The following EIF4G3 variants were observed in gnomAD, a reference collection of about 807,000 sequenced individuals.
EIF4G3 encodes eIF-4-gamma 3.
In EIF4G3, 34 loss-of-function variants were observed where a neutral mutation model predicts 186.4. The ratio of observed to expected loss-of-function variants is 0.18; its 90% CI spans 0.14 to 0.24. The LOEUF (loss-of-function observed/expected upper bound fraction) is 0.24, where lower values mean the gene tolerates loss of function less well. EIF4G3 is among the 10% of genes least tolerant of loss of function. The pLI, the probability that EIF4G3 is intolerant of heterozygous loss-of-function variation, is 1.00. For missense variants in EIF4G3, 1,536 were observed against 1,948.5 expected, an observed-to-expected ratio of 0.79 and a Z score of 3.99; for synonymous variants, 673 against 679.5, an observed-to-expected ratio of 0.99 and a Z score of 0.15.
At chr1:20,960,025 C>G (rs1233515750) in intron 12 of EIF4G3, among the ~76,000 whole-genome samples, 1 of 151,900 alleles carries the variant, frequency 6.6e-6, no homozygotes, top group African/African-American at 2.4e-5. Flanking sequence ...TTTGATCCAG[C>G]AACCCCACTA....
At chr1:20,840,562 C>A (rs192643109) in intron 30 of EIF4G3, among the ~76,000 whole-genome samples, 2 of 152,150 alleles carry the variant, frequency 1.3e-5, no homozygotes, top group Non-Finnish European at 2.9e-5. Context: ...CTGCTAAAGG[C>A]CTCAGAGTTT....
intron 2 of EIF4G3, chr1:21,175,772 A>T (rs981954794): frequency 1.3e-5 from 2 of 152,708 alleles, no homozygotes; most frequent in African/African-American, 4.8e-5. Flanking sequence ...GGGGGAGCCG[A>T]GGGGAGGTGA....
chr1:21,127,035 T>C (rs1200924360), intron 2 of EIF4G3, among the ~76,000 whole-genome samples: 1 of 152,126 alleles, frequency 6.6e-6, no homozygotes, highest in Non-Finnish European at 1.5e-5. Flanking sequence ...CAGGCCAGAG[T>C]GCAGTGGCAA....
chr1:20,825,128 T>A lies in EIF4G3; in HGVS notation c.4340A>T (p.Glu1447Val). 1 of 1,612,844 alleles carries A rather than the reference T, an allele frequency of 6.2e-7. No homozygotes were observed. Among genetic ancestry groups the A allele is most frequent in the Admixed American group, 1.7e-5 (1 of 59,792 alleles). The change falls in exon 33 of 37, where the codon GAA becomes GTA. Residue 1447 changes from glutamate (E) to valine (V), a missense_variant. By Grantham distance (121) the Glu-to-Val change is moderately radical. This residue lies in a region of EIF4G3 where 395 missense variants were observed against 498.9 expected (regional missense o/e 0.79). Transcript: ENST00000602326. Reference sequence around the variant, plus strand: ...CTCCAAAAGAAAATTATGTACATCTTCTCCTTCTGGTAAAAAGTCCTTCCA... The same window carrying A: ...CTCCAAAAGAAAATTATGTACATCTACTCCTTCTGGTAAAAAGTCCTTCCA... ...LSWKDFLPEG[E>V]DVHNFLLEQK...
In EIF4G3 at chr1:20,950,090, C is replaced by T. The variant is rs1052146249; in HGVS notation, c.736G>A (p.Glu246Lys). 1.3e-5 allele frequency: 20 copies of T among 1,594,836 alleles called. No individual in the cohort carries two copies. Among genetic ancestry groups the T allele is most frequent in the East Asian group, 2.3e-5 (1 of 44,324 alleles). Residue 246 changes from glutamate to lysine, a missense_variant, in exon 13 of 37, where the codon GAG becomes AAG. Glu to Lys is a moderately conservative substitution (Grantham distance 56). Transcript: ENST00000602326. ...GTCCCATAAACCACAGGGCTGTGCTCGGGGACCTGGCTGGGCAGCTGCTGG... is the reference window on the plus strand; with the variant it reads ...GTCCCATAAACCACAGGGCTGTGCTTGGGGACCTGGCTGGGCAGCTGCTGG... ...PPQQLPSQVP[E>K]HSPVVYGTVE... is the part of the protein sequence containing the mutation.
At chr1:21,100,953 C>T (rs1457911143) in intron 2 of EIF4G3, among the ~76,000 whole-genome samples, 1 of 152,070 alleles carries the variant, frequency 6.6e-6, no homozygotes, top group Non-Finnish European at 1.5e-5. Flanking sequence ...TGACACTACT[C>T]CTGACAAACT....
At position 21,075,570 on chromosome 1, in the gene EIF4G3, C is replaced by CAAAAAAAAAA. The variant is rs55649192; in HGVS notation, c.-196+13558_-196+13567dup. Among the ~76,000 whole-genome samples the CAAAAAAAAAA allele has an allele frequency of 8.1e-4, 42 of 51,552 alleles. 1 individual carries two copies. Among genetic ancestry groups the CAAAAAAAAAA allele is most frequent in the East Asian group, 8.8e-4 (1 of 1,130 alleles). The allele number at this position is 51,552 out of a possible 152,430, so 33.8% of individuals were successfully genotyped here. A position where few individuals can be genotyped will look rare whatever the true frequency, so the allele number is the denominator to read the frequency against. ...GGCAACAGAGTGAGACTCCAACTCA[C>CAAAAAAAAAA]AAAAAAAAAAAAAAAAAAAAAAAAA... On this transcript the variant is annotated intron_variant, in intron 3 of 36. Coordinates refer to ENST00000602326, the MANE Select transcript of EIF4G3 (RefSeq NM_001391906.1).
intron 3 of EIF4G3, among the ~76,000 whole-genome samples, chr1:21,060,854 G>A (rs1045208608): frequency 2.6e-5 from 4 of 151,732 alleles, no homozygotes; most frequent in African/African-American, 4.8e-5. Flanking sequence ...CTTAGAACAC[G>A]GTAGTAACAA....
intron 14 of EIF4G3, among the ~76,000 whole-genome samples, chr1:20,913,468 T>C (rs1276671828): frequency 2.6e-5 from 4 of 152,038 alleles, no homozygotes; most frequent in African/African-American, 9.7e-5. Flanking sequence ...AGCCCAAGGG[T>C]TGATGGTTAT....
chr1:20,904,217 T>C (rs1466528312), intron 15 of EIF4G3, among the ~76,000 whole-genome samples: 1 of 152,238 alleles, frequency 6.6e-6, no homozygotes. Flanking sequence ...ATGTACTAGA[T>C]GAATTCTACC....
chr1:21,077,405 AAAAAAAAAAG>A, intron 3 of EIF4G3, among the ~76,000 whole-genome samples: 1 of 152,034 alleles, frequency 6.6e-6, no homozygotes, highest in East Asian at 1.9e-4. Flanking sequence ...TGTCTAGAAA[AAAAAAAAAAG>A]AAAAAAAAAG....
chr1:20,820,979 C>A (rs1378897733), intron 33 of EIF4G3, among the ~76,000 whole-genome samples: 1 of 152,136 alleles, frequency 6.6e-6, no homozygotes, highest in Non-Finnish European at 1.5e-5. Flanking sequence ...CTCCTCTGAG[C>A]TGTTCTAACA....
intron 12 of EIF4G3, among the ~76,000 whole-genome samples, chr1:20,951,635 C>A (rs966302482): frequency 1.3e-5 from 2 of 151,746 alleles, no homozygotes; most frequent in Admixed American, 1.3e-4. Context: ...ATTTAGCATT[C>A]ATTAAGCAGT....
chr1:20,865,016 C>A, intron 21 of EIF4G3, 100 bp downstream of exon 21: 1 of 1,359,976 alleles, frequency 7.4e-7, no homozygotes, highest in Admixed American at 2.2e-5. Context: ...GCCATAGGTC[C>A]CTCTTAAGGT....
chr1:20,868,090 C>T (rs12731277), intron 20 of EIF4G3, among the ~76,000 whole-genome samples: 1,246 of 90,306 alleles, frequency 0.014, 1 homozygote, highest in Middle Eastern at 0.016. Context: ...TGGTGATTTT[C>T]TTTTTTTTTT....
intron 32 of EIF4G3, 88 bp downstream of exon 32, chr1:20,827,529 G>A: frequency 1.4e-6 from 1 of 726,934 alleles, no homozygotes; most frequent in Non-Finnish European, 2.3e-6. Flanking sequence ...TGCACCCTGA[G>A]ACCTAAGCTA....
chr1:20,815,066 G>A (rs1193103611), intron 34 of EIF4G3, among the ~76,000 whole-genome samples: 1 of 75,440 alleles, frequency 1.3e-5, no homozygotes, highest in Non-Finnish European at 2.7e-5. Context: ...ATTGCAGACG[G>A]AGTCTCGTTC....
chr1:21,059,225 C>T (rs1344381553), intron 3 of EIF4G3, among the ~76,000 whole-genome samples: 1 of 152,098 alleles, frequency 6.6e-6, no homozygotes, highest in Non-Finnish European at 1.5e-5. Flanking sequence ...AGCTGCAACT[C>T]ATACACAGAA....
At chr1:20,853,206 G>T (rs776440594) in intron 27 of EIF4G3, among the ~76,000 whole-genome samples, 9 of 152,166 alleles carry the variant, frequency 5.9e-5, no homozygotes, top group Admixed American at 2.6e-4. Flanking sequence ...CATGAAGAGT[G>T]TGACAGAGAA....
Sources: gnomAD v4.1 joint callset for allele counts (sites outside exome capture counted in the v4.1 genomes callset) on GRCh38, gnomAD v4.1.1 for gene constraint, gnomAD v4.1.1 regional missense constraint, MANE v1.5 for transcripts, NCBI Gene and HGNC (gene_info 2026-07-23, HGNC 2026-07-21) for gene names.